Variants in ATP6V0E1 observed in about 807,000 individuals in gnomAD.
ATP6V0E1 encodes ATPase H+ transporting V0 subunit e1, also known as V-type proton ATPase subunit e 1.
A neutral mutation model predicts 11.6 loss-of-function variants in ATP6V0E1; 4 were observed. The ratio of observed to expected loss-of-function variants is 0.35; its 90% CI spans 0.17 to 0.79. ATP6V0E1 has a LOEUF of 0.79. ATP6V0E1 is among the 30% of genes least tolerant of loss of function. The probability of loss-of-function intolerance (pLI) is 0.54; values close to 1 mark genes in which losing one functional copy is unlikely to be tolerated. For synonymous variants in ATP6V0E1, 36 were observed against 34.8 expected (o/e 1.04, Z -0.13); for missense variants, 105 against 100.0 (o/e 1.05, Z -0.21).
rs755902985 is a variant in ATP6V0E1, at chr5:172,985,106, G to A, written c.104+1142G>A. Among the ~76,000 whole-genome samples, 26 of 152,106 alleles carry A rather than the reference G, an allele frequency of 1.7e-4. 1 individual carries two copies. In the East Asian group the frequency reaches 3.1e-3, roughly 18 times the overall value. On this transcript the variant is annotated intron_variant, in intron 1 of 3. Coordinates refer to ENST00000519374, the MANE Select transcript of ATP6V0E1 (RefSeq NM_003945.4). ...TAAAAACACAAAAAATTAGCCGGGC[G>A]TGGTGGCGGGCGCCTGTAATCCCAG...
At chr5:172,995,502 C>T (rs1197125694) in intron 2 of ATP6V0E1, among the ~76,000 whole-genome samples, 4 of 152,140 alleles carry the variant, frequency 2.6e-5, no homozygotes, top group Non-Finnish European at 5.9e-5. Context: ...ATCTGATGGA[C>T]AGAAATTGAG....
intron 2 of ATP6V0E1, among the ~76,000 whole-genome samples, chr5:173,002,509 A>G (rs904700208): frequency 1.3e-5 from 2 of 152,082 alleles, no homozygotes; most frequent in African/African-American, 2.4e-5. Context: ...TGTATTTTCT[A>G]TGAATTGGTA....
At chr5:172,990,514 G>T (rs1755963228) in intron 1 of ATP6V0E1, among the ~76,000 whole-genome samples, 1 of 151,552 alleles carries the variant, frequency 6.6e-6, no homozygotes, top group Non-Finnish European at 1.5e-5. Flanking sequence ...TTTATTTTTT[G>T]ATTATTTTAT....
intron 2 of ATP6V0E1, among the ~76,000 whole-genome samples, chr5:173,012,064 CT>C (rs2113599665): frequency 7.0e-6 from 1 of 142,084 alleles, no homozygotes; most frequent in South Asian, 2.2e-4. Context: ...TTGAGTCTTG[CT>C]GTGTCACCCA....
At chr5:172,997,553 T>A (rs1756084367) in intron 2 of ATP6V0E1, among the ~76,000 whole-genome samples, 1 of 152,194 alleles carries the variant, frequency 6.6e-6, no homozygotes. Flanking sequence ...CTCACGCCTG[T>A]AATCCCAGCA....
At chr5:173,008,734 C>A (rs953671256) in intron 2 of ATP6V0E1, among the ~76,000 whole-genome samples, 1 of 148,482 alleles carries the variant, frequency 6.7e-6, no homozygotes, top group Non-Finnish European at 1.5e-5. Flanking sequence ...GCGGTGAAAC[C>A]CCATCTCTAC....
intron 3 of ATP6V0E1, among the ~76,000 whole-genome samples, chr5:173,027,178 CAAA>C (rs1158447516): frequency 0.027 from 709 of 26,012 alleles, 5 homozygotes; most frequent in South Asian, 0.055. Context: ...GACTCCGTCT[CAAA>C]AAAAAAAAAA....
intron 3 of ATP6V0E1, chr5:173,020,872 C>T (rs983186022): frequency 2.7e-5 from 14 of 519,810 alleles, no homozygotes; most frequent in East Asian, 2.2e-4. Context: ...TGTGCTTCCC[C>T]GAGAGTGTGC....
chr5:173,014,328 T>C (rs911341415), intron 2 of ATP6V0E1, among the ~76,000 whole-genome samples: 10 of 151,996 alleles, frequency 6.6e-5, no homozygotes, highest in African/African-American at 2.4e-4. Flanking sequence ...AAACTAAAAA[T>C]AGAACTGCCA....
At chr5:173,022,035 A>G (rs1168858480) in intron 3 of ATP6V0E1, among the ~76,000 whole-genome samples, 3 of 152,234 alleles carry the variant, frequency 2.0e-5, no homozygotes, top group Non-Finnish European at 4.4e-5. Context: ...ACTCCGTCTC[A>G]GAAAAAGGAA....
At chr5:173,019,541 G>A (rs557804743) in intron 2 of ATP6V0E1, among the ~76,000 whole-genome samples, 1 of 150,934 alleles carries the variant, frequency 6.6e-6, no homozygotes, top group Non-Finnish European at 1.5e-5. Flanking sequence ...GCGAAAGAGC[G>A]AGACTCCATC....
chr5:173,020,462 C>CA (rs2113607902), intron 3 of ATP6V0E1, 95 bp downstream of exon 3: 3 of 695,266 alleles, frequency 4.3e-6, no homozygotes, highest in East Asian at 5.4e-5. Flanking sequence ...TAACACGTGG[C>CA]AAGGGCAAGC....
chr5:173,027,346 CA>C (rs1233161067), intron 3 of ATP6V0E1, among the ~76,000 whole-genome samples: 1 of 128,610 alleles, frequency 7.8e-6, no homozygotes, highest in African/African-American at 3.1e-5. Flanking sequence ...AAAAAAAATA[CA>C]AAAAATGAGC....
intron 2 of ATP6V0E1, among the ~76,000 whole-genome samples, chr5:173,012,272 TC>T (rs1297624137): frequency 2.6e-5 from 4 of 151,904 alleles, no homozygotes; most frequent in Admixed American, 1.3e-4. Context: ...CCTCAGGTGA[TC>T]CGCCCGCCTT....
At chr5:173,021,050 A>G in intron 3 of ATP6V0E1, 1 of 401,166 alleles carries the variant, frequency 2.5e-6, no homozygotes, top group South Asian at 1.8e-5. Flanking sequence ...GCAGTTCTGC[A>G]GGCTGTATAA....
chr5:173,023,650 G>T (rs1474980611), intron 3 of ATP6V0E1, among the ~76,000 whole-genome samples: 3 of 152,148 alleles, frequency 2.0e-5, no homozygotes, highest in African/African-American at 7.2e-5. Flanking sequence ...TTCGAGACCA[G>T]CTTGGGCAAT....
At chr5:173,017,551 A>G (rs1756420016) in intron 2 of ATP6V0E1, among the ~76,000 whole-genome samples, 1 of 145,092 alleles carries the variant, frequency 6.9e-6, no homozygotes, top group Non-Finnish European at 1.5e-5. Context: ...AAAAAAAAAA[A>G]GCGATTCCTG....
Position 172,983,914 on chromosome 5 carries a change from C to T in ATP6V0E1, c.54C>T (p.Gly18=). ...VPLIVMSVFW[G]FVGFLVPWFI... is the part of the protein sequence containing the mutation. ...TCATTGTGATGAGCGTGTTCTGGGGCTTCGTCGGCTTCTTGGTGCCTTGGT... is the reference window on the plus strand; with the variant it reads ...TCATTGTGATGAGCGTGTTCTGGGGTTTCGTCGGCTTCTTGGTGCCTTGGT... The change falls in exon 1 of 4, where the codon GGC becomes GGT. Residue 18 remains glycine, a synonymous_variant. Transcript: ENST00000519374. 6.2e-7 allele frequency: 1 copy of T among 1,613,424 alleles called. No individual in the cohort carries two copies. The highest frequency in any genetic ancestry group is 8.5e-7 in the Non-Finnish European group (1 of 1,179,824).
At chr5:172,997,699 G>A (rs1756088319) in intron 2 of ATP6V0E1, among the ~76,000 whole-genome samples, 1 of 152,094 alleles carries the variant, frequency 6.6e-6, no homozygotes, top group South Asian at 2.1e-4. Flanking sequence ...TGTAGTCCCA[G>A]CTACTTGGGA....
Sources: allele counts gnomAD v4.1 joint callset (sites outside exome capture counted in the v4.1 genomes callset), GRCh38; gene constraint gnomAD v4.1.1; transcripts MANE v1.5; gene names NCBI Gene and HGNC (gene_info 2026-07-23, HGNC 2026-07-21).